Variants in CCDC3 observed in about 807,000 individuals in gnomAD.
CCDC3 encodes the protein coiled-coil domain-containing protein 3.
Under a neutral mutation model 21.4 loss-of-function variants are expected in CCDC3, and 24 were observed. That is an observed-to-expected ratio of 1.12 (90% CI 0.81 to 1.58). CCDC3 has a LOEUF of 1.58. Ranked by LOEUF, CCDC3 falls within the 40% of genes most tolerant of loss-of-function variation. The pLI, the probability that CCDC3 is intolerant of heterozygous loss-of-function variation, is 0.00. For missense variants in CCDC3, 425 were observed against 360.9 expected, an observed-to-expected ratio of 1.18 and a Z score of -1.44; for synonymous variants, 186 against 166.0, an observed-to-expected ratio of 1.12 and a Z score of -0.93.
chr10:13,017,051 C>T (rs528250136), intron 5 of CCDC3, among the ~76,000 whole-genome samples: 6 of 152,098 alleles, frequency 3.9e-5, no homozygotes, highest in East Asian at 3.9e-4. Context: ...AGGAGCGCCT[C>T]GTACAAATGT....
chr10:12,941,420 G>C (rs748604272), intron 2 of CCDC3, among the ~76,000 whole-genome samples: 12 of 152,104 alleles, frequency 7.9e-5, no homozygotes, highest in Non-Finnish European at 1.5e-4. Context: ...CCATGGCCTC[G>C]CCTTGAATTC....
intron 2 of CCDC3, among the ~76,000 whole-genome samples, chr10:12,944,287 G>A (rs927277260): frequency 2.0e-5 from 3 of 152,124 alleles, no homozygotes; most frequent in African/African-American, 7.2e-5. Context: ...CATTCTCTCT[G>A]ACGCCTGCTA....
In CCDC3 at chr10:12,898,437, GCGCACGGGC is replaced by G. The variant is rs1564274466; in HGVS notation, c.783_791del (p.Val263_Pro265del). On this transcript the variant is annotated inframe_deletion, in exon 3 of 3. Coordinates refer to ENST00000378825, the MANE Select transcript of CCDC3 (RefSeq NM_031455.4). The stretch of plus-strand genomic sequence containing the variant: ...CCCGTTACCCCCGCAGGTAGGGGGG[GCGCACGGGC>G]CCCCGGGCATTGATGTGCGGCAGCG... 16 of 1,604,730 alleles carry G rather than the reference GCGCACGGGC, an allele frequency of 1.0e-5. No homozygotes were observed. Among genetic ancestry groups the G allele is most frequent in the Non-Finnish European group, 1.4e-5 (16 of 1,174,314 alleles).
intron 5 of CCDC3, among the ~76,000 whole-genome samples, chr10:13,034,475 A>G (rs539958701): frequency 3.7e-4 from 56 of 151,914 alleles, no homozygotes; most frequent in African/African-American, 7.5e-4. Context: ...CATGCACCCT[A>G]GAACTTAAAG....
intron 2 of CCDC3, among the ~76,000 whole-genome samples, chr10:12,943,036 T>C (rs1343472327): frequency 6.6e-6 from 1 of 152,232 alleles, no homozygotes; most frequent in Non-Finnish European, 1.5e-5. Context: ...TAGGTACGTA[T>C]GTGTGATTTT....
intron 2 of CCDC3, among the ~76,000 whole-genome samples, chr10:12,904,186 G>A (rs2131196759): frequency 6.6e-6 from 1 of 152,210 alleles, no homozygotes; most frequent in African/African-American, 2.4e-5. Context: ...GGCTCACTAG[G>A]CCGGGCATGG....
intron 4 of CCDC3, among the ~76,000 whole-genome samples, chr10:13,053,125 A>G (rs533920474): frequency 6.6e-6 from 1 of 152,324 alleles, no homozygotes; most frequent in Non-Finnish European, 1.5e-5. Context: ...CTCCAACCTC[A>G]GAGGAATAAG....
intron 2 of CCDC3, among the ~76,000 whole-genome samples, chr10:12,988,238 C>G (rs1336114587): frequency 6.6e-6 from 1 of 152,158 alleles, no homozygotes; most frequent in African/African-American, 2.4e-5. Flanking sequence ...GCAATGGCTT[C>G]TTGGTCTGCC....
At chr10:12,979,506 T>C (rs1589028859) in intron 2 of CCDC3, among the ~76,000 whole-genome samples, 1 of 151,976 alleles carries the variant, frequency 6.6e-6, no homozygotes, top group African/African-American at 2.4e-5. Context: ...GCCTCCAAAG[T>C]GTCTGGGACC....
chr10:13,043,844 T>A (rs533444253), intron 5 of CCDC3, among the ~76,000 whole-genome samples: 87 of 152,324 alleles, frequency 5.7e-4, no homozygotes, highest in Non-Finnish European at 1.0e-3. Flanking sequence ...TTTGGTGGAA[T>A]GATTTATTTT....
chr10:13,017,624 T>C (rs1836084643), intron 5 of CCDC3, among the ~76,000 whole-genome samples: 1 of 151,440 alleles, frequency 6.6e-6, no homozygotes, highest in East Asian at 1.9e-4. Context: ...GATTTTTAGA[T>C]ACTAATGGAA....
intron 3 of CCDC3, among the ~76,000 whole-genome samples, chr10:13,076,401 G>A (rs992195496): frequency 1.3e-5 from 2 of 152,210 alleles, no homozygotes; most frequent in African/African-American, 4.8e-5. Context: ...CTAGATGTTT[G>A]TGGCTAAGGA....
At chr10:13,062,353 G>A (rs1038814289) in intron 4 of CCDC3, among the ~76,000 whole-genome samples, 2 of 152,170 alleles carry the variant, frequency 1.3e-5, no homozygotes, top group African/African-American at 4.8e-5. Context: ...TCCACCCATT[G>A]TATGTACATA....
chr10:13,016,888 T>G (rs1370657919), intron 5 of CCDC3, among the ~76,000 whole-genome samples: 1 of 152,144 alleles, frequency 6.6e-6, no homozygotes, highest in South Asian at 2.1e-4. Context: ...ATTTATCCAG[T>G]GTGGGGACTA....
At chr10:13,061,171 G>A (rs1319440555) in intron 4 of CCDC3, among the ~76,000 whole-genome samples, 1 of 152,214 alleles carries the variant, frequency 6.6e-6, no homozygotes, top group East Asian at 1.9e-4. Flanking sequence ...AAGTAGGAAT[G>A]AGTATAAATT....
intron 2 of CCDC3, among the ~76,000 whole-genome samples, chr10:12,912,752 C>T (rs113684653): frequency 1.1e-4 from 17 of 152,216 alleles, no homozygotes; most frequent in African/African-American, 2.9e-4. Context: ...TTCAGGTCTA[C>T]GCTTAAGTCT....
intron 3 of CCDC3, among the ~76,000 whole-genome samples, chr10:13,080,237 T>G (rs1429487713): frequency 6.7e-6 from 1 of 149,784 alleles, no homozygotes; most frequent in Non-Finnish European, 1.5e-5. Flanking sequence ...GAAAGAGAGA[T>G]AGAGGGAGAG....
intron 2 of CCDC3, among the ~76,000 whole-genome samples, chr10:12,992,509 C>A (rs556142586): frequency 6.6e-6 from 1 of 152,184 alleles, no homozygotes; most frequent in South Asian, 2.1e-4. Context: ...TCGCAGAGAT[C>A]CGGATGGAAC....
At chr10:12,986,732 C>T (rs1835600538) in intron 2 of CCDC3, among the ~76,000 whole-genome samples, 1 of 149,752 alleles carries the variant, frequency 6.7e-6, no homozygotes, top group South Asian at 2.1e-4. Flanking sequence ...GAGATCGTGC[C>T]ACTGCACCCC....
Sources: gnomAD v4.1 joint callset for allele counts (sites outside exome capture counted in the v4.1 genomes callset) on GRCh38, gnomAD v4.1.1 for gene constraint, MANE v1.5 for transcripts, NCBI Gene and HGNC (gene_info 2026-07-23, HGNC 2026-07-21) for gene names.